The following LRP1B variants were observed in gnomAD, a reference collection of about 807,000 sequenced individuals.
LRP1B encodes low-density lipoprotein receptor-related protein 1B.
Under a neutral mutation model 556.6 loss-of-function variants are expected in LRP1B, and 217 were observed. That is an observed-to-expected ratio of 0.39 (90% CI 0.35 to 0.44). The LOEUF (loss-of-function observed/expected upper bound fraction) is 0.44, where lower values mean the gene tolerates loss of function less well. LRP1B is among the 20% of genes least tolerant of loss of function. The probability of loss-of-function intolerance (pLI) is 1.00; values close to 1 mark genes in which losing one functional copy is unlikely to be tolerated. For missense variants in LRP1B, 5,053 were observed against 5,620.8 expected (o/e 0.90, Z 3.23); for synonymous variants, 2,047 against 1,865.8 (o/e 1.10, Z -2.50).
At chr2:141,857,632 C>A (rs1470962414) in intron 1 of LRP1B, among the ~76,000 whole-genome samples, 3 of 152,026 alleles carry the variant, frequency 2.0e-5, no homozygotes, top group Non-Finnish European at 4.4e-5. Flanking sequence ...CCACAGCACC[C>A]GACCCCTCTC....
At chr2:141,284,163 G>A (rs192865924) in intron 3 of LRP1B, among the ~76,000 whole-genome samples, 1 of 152,120 alleles carries the variant, frequency 6.6e-6, no homozygotes, top group African/African-American at 2.4e-5. Flanking sequence ...TTTTTCTCCA[G>A]CAGTGCAATA....
chr2:141,600,817 A>G (rs1687706166), intron 2 of LRP1B, among the ~76,000 whole-genome samples: 2 of 152,038 alleles, frequency 1.3e-5, no homozygotes, highest in Admixed American at 6.6e-5. Flanking sequence ...GAGACACAGG[A>G]GTCCAGGCAG....
At chr2:141,528,200 A>C (rs2105186643) in intron 2 of LRP1B, among the ~76,000 whole-genome samples, 1 of 151,918 alleles carries the variant, frequency 6.6e-6, no homozygotes, top group East Asian at 2.0e-4. Flanking sequence ...ATAAGCTGGA[A>C]TTAAATGGAT....
intron 1 of LRP1B, among the ~76,000 whole-genome samples, chr2:141,915,146 C>G (rs1398464691): frequency 6.6e-6 from 1 of 152,090 alleles, no homozygotes; most frequent in Non-Finnish European, 1.5e-5. Flanking sequence ...GGTACAAAAA[C>G]AGACACTTAG....
At chr2:141,275,771 A>G (rs1685262947) in intron 3 of LRP1B, among the ~76,000 whole-genome samples, 1 of 152,182 alleles carries the variant, frequency 6.6e-6, no homozygotes, top group Non-Finnish European at 1.5e-5. Context: ...TATGCAGACT[A>G]AAACACATTC....
intron 3 of LRP1B, among the ~76,000 whole-genome samples, chr2:141,395,879 G>A (rs563366030): frequency 2.6e-5 from 4 of 152,298 alleles, no homozygotes; most frequent in Admixed American, 2.6e-4. Context: ...AACGTTTGTA[G>A]AGGAAAGTCT....
intron 71 of LRP1B, among the ~76,000 whole-genome samples, chr2:140,369,498 A>C (rs6724622): frequency 6.6e-6 from 1 of 151,942 alleles, no homozygotes; most frequent in Non-Finnish European, 1.5e-5. Context: ...CTCTAGAGTG[A>C]CCAATTACAG....
chr2:141,178,310 T>C (rs540241825), intron 7 of LRP1B, among the ~76,000 whole-genome samples: 27 of 152,196 alleles, frequency 1.8e-4, no homozygotes, highest in African/African-American at 6.5e-4. Flanking sequence ...GGCTAACAAG[T>C]GACTTCTCGA....
chr2:141,119,435 A>T (rs1417290374), intron 7 of LRP1B, among the ~76,000 whole-genome samples: 1 of 151,854 alleles, frequency 6.6e-6, no homozygotes, highest in Non-Finnish European at 1.5e-5. Context: ...AAAATGAGGC[A>T]GCAAGCATAT....
chr2:141,028,439 T>A (rs2105409771), intron 11 of LRP1B, among the ~76,000 whole-genome samples: 1 of 151,950 alleles, frequency 6.6e-6, no homozygotes, highest in East Asian at 1.9e-4. Context: ...TTAAGACGGG[T>A]GTATTATGTG....
chr2:141,245,707 C>G (rs1249656272), intron 5 of LRP1B, among the ~76,000 whole-genome samples: 16 of 152,176 alleles, frequency 1.1e-4, no homozygotes, highest in African/African-American at 3.6e-4. Context: ...ATCAACAATA[C>G]TTACTGATTG....
intron 76 of LRP1B, 137 bp from the exon 77 acceptor site, chr2:140,351,175 T>C (rs1199804332): frequency 4.8e-5 from 27 of 564,758 alleles, no homozygotes. Context: ...TTTTATATTG[T>C]CTTTTAGTCT....
intron 3 of LRP1B, among the ~76,000 whole-genome samples, chr2:141,439,815 T>A (rs996909058): frequency 7.9e-5 from 12 of 152,192 alleles, no homozygotes. Context: ...TAAAGATGTT[T>A]TTTTAAAAAG....
rs147841421 is a variant in LRP1B, at chr2:141,835,803, T to TAC, written c.83-25404_83-25403dup. On this transcript the variant is annotated intron_variant, in intron 1 of 90. Transcript: ENST00000389484. ...CTATAAAGTGGTAAGTAGTGAGGTATACACACACACACACACAGACATATA... is the reference window on the plus strand; with the variant it reads ...CTATAAAGTGGTAAGTAGTGAGGTATACACACACACACACACACAGACATATA... Among the ~76,000 whole-genome samples, 536 of 150,116 alleles carry TAC rather than the reference T, an allele frequency of 3.6e-3. 1 individual carries two copies. Among genetic ancestry groups the TAC allele is most frequent in the African/African-American group, 8.2e-3 (337 of 41,150 alleles).
chr2:140,501,406 A>G (rs1689180336), intron 55 of LRP1B, among the ~76,000 whole-genome samples: 1 of 152,010 alleles, frequency 6.6e-6, no homozygotes, highest in Non-Finnish European at 1.5e-5. Context: ...CTATTAACAT[A>G]GCAGTATTGT....
intron 7 of LRP1B, among the ~76,000 whole-genome samples, chr2:141,088,070 G>A (rs1286077244): frequency 6.6e-6 from 1 of 152,120 alleles, no homozygotes; most frequent in Non-Finnish European, 1.5e-5. Flanking sequence ...GGGGGAAGAA[G>A]GGTACAAAAA....
chr2:140,634,703 T>C (rs1684010759), intron 41 of LRP1B, among the ~76,000 whole-genome samples: 1 of 151,984 alleles, frequency 6.6e-6, no homozygotes, highest in Admixed American at 6.6e-5. Context: ...GCCCTAGTCT[T>C]AGCATGAGAA....
In LRP1B at chr2:140,288,627, C is replaced by A. The variant is rs560759548; in HGVS notation, c.12967+9181G>T. ...TATGTGCTACATTGTTTTAAGTACT[C>A]AATTTTGTTTTCAGGTAATTATTTG... is the stretch of plus-strand genomic sequence containing the variant. On this transcript the variant is annotated intron_variant, in intron 84 of 90. Transcript: ENST00000389484. Among the ~76,000 whole-genome samples the A allele has an allele frequency of 3.3e-5, 5 of 151,904 alleles. No individual in the cohort carries two copies. The South Asian group carries it at 1.0e-3, about 31-fold the overall frequency.
At chr2:141,802,449 A>AAAACAAAC (rs751889535) in intron 2 of LRP1B, among the ~76,000 whole-genome samples, 1 of 152,090 alleles carries the variant, frequency 6.6e-6, no homozygotes, top group East Asian at 1.9e-4. Flanking sequence ...AGTTTTTAGA[A>AAAACAAAC]AAACAAACAA....
Sources: gnomAD v4.1 joint callset for allele counts (sites outside exome capture counted in the v4.1 genomes callset) on GRCh38, gnomAD v4.1.1 for gene constraint, MANE v1.5 for transcripts, NCBI Gene and HGNC (gene_info 2026-07-23, HGNC 2026-07-21) for gene names.